LRRC4C: variants seen among roughly 807,000 people sequenced by gnomAD.
The protein encoded by LRRC4C is leucine rich repeat containing 4C, also known as leucine-rich repeat-containing protein 4C.
Under a neutral mutation model 33.6 loss-of-function variants are expected in LRRC4C, and 5 were observed. The observed-to-expected ratio is 0.15, with a 90% confidence interval of 0.08 to 0.31. The LOEUF (loss-of-function observed/expected upper bound fraction) is 0.31, where lower values mean the gene tolerates loss of function less well. Ranked by LOEUF, LRRC4C falls within the 10% of genes least tolerant of loss-of-function variation. The pLI, the probability that LRRC4C is intolerant of heterozygous loss-of-function variation, is 1.00. For missense variants in LRRC4C, 560 were observed against 796.7 expected, an observed-to-expected ratio of 0.70 and a Z score of 3.58; for synonymous variants, 329 against 302.0, an observed-to-expected ratio of 1.09 and a Z score of -0.93.
chr11:41,415,360 AAACT>A (rs1241157765), intron 1 of LRRC4C, among the ~76,000 whole-genome samples: 7 of 152,248 alleles, frequency 4.6e-5, no homozygotes, highest in African/African-American at 1.7e-4. Flanking sequence ...TCTTCATAGT[AAACT>A]AATTTCCAAA....
chr11:40,910,812 A>C (rs961883942), intron 2 of LRRC4C, among the ~76,000 whole-genome samples: 1 of 152,202 alleles, frequency 6.6e-6, no homozygotes, highest in Non-Finnish European at 1.5e-5. Context: ...GAAAGGGGTG[A>C]CAGATGGCAC....
At chr11:40,946,505 C>A (rs184634593) in intron 1 of LRRC4C, among the ~76,000 whole-genome samples, 144 of 152,270 alleles carry the variant, frequency 9.5e-4, no homozygotes, top group African/African-American at 3.3e-3. Flanking sequence ...TTTGAGAAGT[C>A]TCTAAACCGC....
chr11:41,219,822 C>T (rs1947225069), intron 1 of LRRC4C, among the ~76,000 whole-genome samples: 1 of 152,158 alleles, frequency 6.6e-6, no homozygotes, highest in South Asian at 2.1e-4. Context: ...GTTCCCTCAT[C>T]TACTGCACAT....
chr11:40,243,337 C>T (rs1243897307), intron 4 of LRRC4C, among the ~76,000 whole-genome samples: 1 of 152,146 alleles, frequency 6.6e-6, no homozygotes, highest in East Asian at 1.9e-4. Context: ...ATGTCTATCA[C>T]TGGCTAAGAA....
At chr11:40,389,392 C>T (rs532331607) in intron 3 of LRRC4C, among the ~76,000 whole-genome samples, 98 of 151,822 alleles carry the variant, frequency 6.5e-4, no homozygotes, top group African/African-American at 2.3e-3. Context: ...GTCAAGAACT[C>T]GTAAAGATAT....
At chr11:40,431,394 C>CA (rs572317927) in intron 3 of LRRC4C, among the ~76,000 whole-genome samples, 54,553 of 125,224 alleles carry the variant, frequency 0.44, 11,991 homozygotes, top group Non-Finnish European at 0.47. Flanking sequence ...GACTCTGTCT[C>CA]AAAAAAAAAA....
intron 2 of LRRC4C, among the ~76,000 whole-genome samples, chr11:40,799,651 G>A (rs1488449305): frequency 1.3e-5 from 2 of 152,114 alleles, no homozygotes; most frequent in African/African-American, 4.8e-5. Context: ...TGTATTTTTA[G>A]TAGAGAAGGG....
intron 5 of LRRC4C, among the ~76,000 whole-genome samples, chr11:40,143,195 C>T (rs551795904): frequency 8.7e-4 from 133 of 152,206 alleles, no homozygotes; most frequent in Middle Eastern, 3.4e-3. Context: ...ATGTCTTGGT[C>T]CAATTTCTAT....
At chr11:40,328,425 C>T (rs1946196571) in intron 3 of LRRC4C, among the ~76,000 whole-genome samples, 2 of 152,132 alleles carry the variant, frequency 1.3e-5, no homozygotes, top group Admixed American at 1.3e-4. Flanking sequence ...TTCAATGGTA[C>T]AGTATAATAC....
At chr11:40,341,631 T>C in intron 3 of LRRC4C, among the ~76,000 whole-genome samples, 1 of 152,144 alleles carries the variant, frequency 6.6e-6, no homozygotes, top group Admixed American at 6.5e-5. Context: ...GGCACATGTA[T>C]ACATATGTAA....
At chr11:41,400,329 A>T (rs931998285) in intron 1 of LRRC4C, among the ~76,000 whole-genome samples, 1 of 151,968 alleles carries the variant, frequency 6.6e-6, no homozygotes, top group Non-Finnish European at 1.5e-5. Context: ...CAAGTGTCTT[A>T]TAAGTACTCA....
At chr11:41,204,223 C>T (rs1162307917) in intron 1 of LRRC4C, among the ~76,000 whole-genome samples, 1 of 152,132 alleles carries the variant, frequency 6.6e-6, no homozygotes, top group African/African-American at 2.4e-5. Context: ...TAAGATTATC[C>T]ACACAAGCAT....
intron 2 of LRRC4C, among the ~76,000 whole-genome samples, chr11:40,871,773 C>T (rs916274088): frequency 9.2e-5 from 14 of 152,118 alleles, no homozygotes; most frequent in Admixed American, 4.6e-4. Context: ...ATGAGTCACA[C>T]GCTGTACTTT....
chr11:40,126,164 G>GAA (rs112443352), intron 6 of LRRC4C, among the ~76,000 whole-genome samples: 24,080 of 136,930 alleles, frequency 0.18, 2,308 homozygotes, highest in East Asian at 0.37. Context: ...TGAGATTTAC[G>GAA]AAAAAAAAAA....
chr11:41,223,947 G>T (rs577250082), intron 1 of LRRC4C, among the ~76,000 whole-genome samples: 2 of 152,302 alleles, frequency 1.3e-5, no homozygotes, highest in South Asian at 4.1e-4. Flanking sequence ...CTGGAGGCCA[G>T]TGCTTGATTT....
At position 41,395,162 on chromosome 11, in the gene LRRC4C, C is replaced by T. The variant is rs566363545; in HGVS notation, c.-496+64269G>A. On this transcript the variant is annotated intron_variant, in intron 1 of 6. Transcript: ENST00000528697. ...AGAGTCTCAGAGTTAAAACAGTTAA[C>T]GGAATGTCTTCGGATCAGCAGGAAA... Among the ~76,000 whole-genome samples, 14 of 151,974 alleles carry T rather than the reference C, an allele frequency of 9.2e-5. No homozygotes were observed. In the East Asian group the frequency reaches 1.8e-3, roughly 19 times the overall value.
At chr11:40,377,785 C>T (rs1202630963) in intron 3 of LRRC4C, among the ~76,000 whole-genome samples, 1 of 152,000 alleles carries the variant, frequency 6.6e-6, no homozygotes, top group East Asian at 1.9e-4. Context: ...TAGTTCTCAA[C>T]TAGGGACAGT....
intron 2 of LRRC4C, among the ~76,000 whole-genome samples, chr11:40,875,654 G>T (rs1224824387): frequency 6.6e-6 from 1 of 152,096 alleles, no homozygotes; most frequent in African/African-American, 2.4e-5. Context: ...ACCTGTAGCT[G>T]TGTTCTAAAG....
At chr11:41,355,805 A>C (rs1042744144) in intron 1 of LRRC4C, among the ~76,000 whole-genome samples, 3 of 152,104 alleles carry the variant, frequency 2.0e-5, no homozygotes, top group Non-Finnish European at 4.4e-5. Context: ...TGTTTTTTTA[A>C]AGAATCATAG....
Sources: allele counts gnomAD v4.1 joint callset (sites outside exome capture counted in the v4.1 genomes callset), GRCh38; gene constraint gnomAD v4.1.1; transcripts MANE v1.5; gene names NCBI Gene and HGNC (gene_info 2026-07-23, HGNC 2026-07-21).